ERBB4: variants seen among roughly 807,000 people sequenced by gnomAD.
ERBB4 encodes receptor tyrosine-protein kinase erbB-4.
ERBB4 carries 42 observed loss-of-function variants against 158.0 expected under a neutral mutation model. That is an observed-to-expected ratio of 0.27 (90% CI 0.21 to 0.34). ERBB4 has a LOEUF of 0.34. Among genes scored for constraint, ERBB4 ranks in the 10% least tolerant of loss-of-function variants. ERBB4 has a pLI of 1.00. For missense variants in ERBB4, 1,333 were observed against 1,624.1 expected (o/e 0.82, Z 3.08); for synonymous variants, 583 against 558.7 (o/e 1.04, Z -0.61).
At chr2:212,073,139 T>C (rs866957996) in intron 2 of ERBB4, among the ~76,000 whole-genome samples, 1 of 152,006 alleles carries the variant, frequency 6.6e-6, no homozygotes, top group Middle Eastern at 3.4e-3. Context: ...ACTGAAAATG[T>C]GGGACATCAG....
intron 20 of ERBB4, among the ~76,000 whole-genome samples, chr2:211,502,066 G>T (rs2065630090): frequency 6.6e-6 from 1 of 152,084 alleles, no homozygotes; most frequent in Non-Finnish European, 1.5e-5. Context: ...TACAGCCAAA[G>T]AAATGAGTTC....
chr2:212,156,311 T>C (rs917722652), intron 1 of ERBB4, among the ~76,000 whole-genome samples: 11 of 151,946 alleles, frequency 7.2e-5, no homozygotes, highest in African/African-American at 4.8e-5. Flanking sequence ...CAGTCATGAA[T>C]GACTTATTGA....
chr2:211,829,694 C>T (rs2077178310), intron 3 of ERBB4, among the ~76,000 whole-genome samples: 1 of 152,124 alleles, frequency 6.6e-6, no homozygotes, highest in Non-Finnish European at 1.5e-5. Context: ...TCTAGACAAA[C>T]TGAACACCTT....
At chr2:211,660,974 G>C (rs1371934011) in intron 15 of ERBB4, among the ~76,000 whole-genome samples, 1 of 152,154 alleles carries the variant, frequency 6.6e-6, no homozygotes, top group Non-Finnish European at 1.5e-5. Context: ...ACTTGTCATT[G>C]TCATGGTCAC....
At chr2:211,861,900 A>G (rs2078065754) in intron 3 of ERBB4, among the ~76,000 whole-genome samples, 1 of 152,164 alleles carries the variant, frequency 6.6e-6, no homozygotes, top group African/African-American at 2.4e-5. Context: ...TTTCACTACT[A>G]TTAAAGCCAG....
chr2:211,575,275 C>A (rs572677595), intron 19 of ERBB4, among the ~76,000 whole-genome samples: 1 of 152,264 alleles, frequency 6.6e-6, no homozygotes, highest in South Asian at 2.1e-4. Context: ...TACAAAGTGA[C>A]ATTCTAACAG....
chr2:211,415,117 T>G lies in ERBB4; in HGVS notation c.3135+5324A>C, dbSNP rs1339342445. ...TGAAACTTACATTTTCTTTTTTTTT[T>G]TTTTTTTTTTTTTTTTTGAGACGGA... On this transcript the variant is annotated intron_variant, in intron 25 of 27. Transcript: ENST00000342788. Among the ~76,000 whole-genome samples, 11 of 117,894 alleles carry G rather than the reference T, an allele frequency of 9.3e-5. No homozygotes were observed. The South Asian group carries it at 3.4e-3, about 37-fold the overall frequency. 77.3% of individuals were successfully genotyped at this position (117,894 alleles called of 152,430 possible).
At chr2:212,495,621 A>G (rs1690521940) in intron 1 of ERBB4, among the ~76,000 whole-genome samples, 1 of 152,162 alleles carries the variant, frequency 6.6e-6, no homozygotes, top group Admixed American at 6.6e-5. Context: ...GGCACGTGCT[A>G]TGTCTCACCT....
Position 211,946,454 on chromosome 2 carries a change from G to A in ERBB4, c.421+976C>T, listed in dbSNP as rs983639393. Among the ~76,000 whole-genome samples the A allele has an allele frequency of 1.7e-4, 25 of 151,168 alleles. No homozygotes were observed. In the East Asian group the frequency reaches 4.7e-3, roughly 28 times the overall value. ...ATTATTACCACTTATTGTACTCAAAGTACATATAAAACCACTACAGGTTTG... is the reference window on the plus strand; with the variant it reads ...ATTATTACCACTTATTGTACTCAAAATACATATAAAACCACTACAGGTTTG... On this transcript the variant is annotated intron_variant, in intron 3 of 27. Transcript: ENST00000342788.
chr2:212,373,770 T>C lies in ERBB4; in HGVS notation c.82+164679A>G, dbSNP rs973552309. On this transcript the variant is annotated intron_variant, in intron 1 of 27. Transcript: ENST00000342788. ...ATATCCATGTATATATCCACGTATA[T>C]ATCCATGTATATATCCACGTATATA... 4.6e-4 allele frequency among the ~76,000 whole-genome samples: 64 copies of C among 139,480 alleles called. 7 individuals carry two copies. Among genetic ancestry groups the C allele is most frequent in the African/African-American group, 1.6e-3 (61 of 37,576 alleles). The allele number at this position is 139,480 out of a possible 152,430, so 91.5% of individuals were successfully genotyped here.
chr2:211,794,841 AT>A (rs1455991532), intron 3 of ERBB4, among the ~76,000 whole-genome samples: 3 of 151,728 alleles, frequency 2.0e-5, no homozygotes, highest in Admixed American at 6.6e-5. Flanking sequence ...TTTTCTAATA[AT>A]TTTCCCGAGA....
chr2:211,902,490 A>G lies in ERBB4; in HGVS notation c.421+44940T>C, dbSNP rs532990572. 1.1e-4 allele frequency among the ~76,000 whole-genome samples: 16 copies of G among 152,106 alleles called. No individual in the cohort carries two copies. The East Asian group carries it at 3.1e-3, about 29-fold the overall frequency. ...CTAAATTATAGTGAAGTGATAAAAAATAATTTAAACACATTATTTTAAACT... is the reference window on the plus strand; with the variant it reads ...CTAAATTATAGTGAAGTGATAAAAAGTAATTTAAACACATTATTTTAAACT... On this transcript the variant is annotated intron_variant, in intron 3 of 27. Transcript: ENST00000342788.
At chr2:212,147,042 T>C (rs944854545) in intron 1 of ERBB4, among the ~76,000 whole-genome samples, 3 of 145,912 alleles carry the variant, frequency 2.1e-5, no homozygotes, top group Non-Finnish European at 3.0e-5. Flanking sequence ...CCAGGCTGTC[T>C]TGCAGTGGCA....
chr2:212,057,424 G>C (rs1055431840), intron 2 of ERBB4, among the ~76,000 whole-genome samples: 3 of 152,180 alleles, frequency 2.0e-5, no homozygotes, highest in African/African-American at 4.8e-5. Flanking sequence ...TCTGCACCAA[G>C]TGGACCTAGT....
chr2:212,424,523 AAG>A (rs1334705492), intron 1 of ERBB4, among the ~76,000 whole-genome samples: 1 of 152,156 alleles, frequency 6.6e-6, no homozygotes, highest in Non-Finnish European at 1.5e-5. Flanking sequence ...CTATATAAAA[AAG>A]AGAGCCTTGC....
chr2:211,492,188 G>T, intron 20 of ERBB4, among the ~76,000 whole-genome samples: 1 of 152,124 alleles, frequency 6.6e-6, no homozygotes, highest in East Asian at 1.9e-4. Flanking sequence ...AACAAAAGTA[G>T]TTTCAGTGAA....
intron 2 of ERBB4, among the ~76,000 whole-genome samples, chr2:212,078,701 T>G (rs1467053721): frequency 1.3e-5 from 2 of 151,834 alleles, no homozygotes; most frequent in Non-Finnish European, 2.9e-5. Context: ...TCCAAAGACA[T>G]CCACCATTTG....
intron 2 of ERBB4, among the ~76,000 whole-genome samples, chr2:212,083,966 A>G (rs2078525251): frequency 6.6e-6 from 1 of 150,658 alleles, no homozygotes; most frequent in African/African-American, 2.4e-5. Flanking sequence ...CTATTCTTTG[A>G]CAATGAACAC....
At chr2:211,996,754 G>T (rs2082209435) in intron 2 of ERBB4, among the ~76,000 whole-genome samples, 1 of 152,104 alleles carries the variant, frequency 6.6e-6, no homozygotes, top group East Asian at 1.9e-4. Flanking sequence ...CACAAGTTTG[G>T]TTCACTCATC....
Sources: gnomAD v4.1 joint callset for allele counts (sites outside exome capture counted in the v4.1 genomes callset) on GRCh38, gnomAD v4.1.1 for gene constraint, MANE v1.5 for transcripts, NCBI Gene and HGNC (gene_info 2026-07-23, HGNC 2026-07-21) for gene names.